Variants in TCF7L1 observed in about 807,000 individuals in gnomAD.
TCF7L1 encodes the protein transcription factor 7-like 1.
TCF7L1 carries 18 observed loss-of-function variants against 63.7 expected under a neutral mutation model. The observed-to-expected ratio is 0.28, with a 90% CI of 0.20 to 0.42. The LOEUF is 0.42. Among genes scored for constraint, TCF7L1 ranks in the 10% least tolerant of loss-of-function variants. The pLI is 1.00. For missense variants in TCF7L1, 654 were observed against 779.3 expected, an observed-to-expected ratio of 0.84 and a Z score of 1.91; for synonymous variants, 355 against 340.9, an observed-to-expected ratio of 1.04 and a Z score of -0.46.
At chr2:85,162,304 C>G (rs1678306112) in intron 3 of TCF7L1, among the ~76,000 whole-genome samples, 2 of 152,146 alleles carry the variant, frequency 1.3e-5, no homozygotes, top group African/African-American at 4.8e-5. Context: ...CCCAGAATCT[C>G]TGGACATGGG....
At chr2:85,187,017 G>A (rs2583547) in intron 3 of TCF7L1, among the ~76,000 whole-genome samples, 87,458 of 151,988 alleles carry the variant, frequency 0.58, 26,725 homozygotes, top group African/African-American at 0.79. Context: ...AACATACTCC[G>A]TCCCCTGCCC....
chr2:85,241,770 T>C (rs1680339669), intron 3 of TCF7L1, among the ~76,000 whole-genome samples: 1 of 152,152 alleles, frequency 6.6e-6, no homozygotes, highest in African/African-American at 2.4e-5. Context: ...GCAGTCCTTG[T>C]TCATGCATGA....
intron 3 of TCF7L1, among the ~76,000 whole-genome samples, chr2:85,160,670 C>T (rs1312852168): frequency 2.0e-5 from 3 of 151,538 alleles, no homozygotes; most frequent in African/African-American, 7.3e-5. Context: ...GTCTGAGCAA[C>T]AGGGCGAAAC....
In TCF7L1 at chr2:85,306,790, G is replaced by A. The variant is rs976310688; in HGVS notation, c.1257+231G>A. Among the ~76,000 whole-genome samples the A allele has an allele frequency of 6.6e-6, 1 of 151,960 alleles. No homozygotes were observed. Among genetic ancestry groups the A allele is most frequent in the African/African-American group, 2.4e-5 (1 of 41,342 alleles). The stretch of plus-strand genomic sequence containing the variant: ...CACCATTCTCCTGTCTCAGCCTCCC[G>A]AGTAGCTGGGACTACAGGCACCTGC... On this transcript the variant is annotated intron_variant, in intron 10 of 11. Transcript: ENST00000282111. The surrounding 1 kb of genome is among the most constrained non-coding windows in gnomAD (Gnocchi z 4.3).
In TCF7L1 at chr2:85,302,582, C is replaced by CCCCCCCCAA; in HGVS notation, c.624_625insCCCCCCCAA (p.Pro208_Thr209insProProGln). The CCCCCCCCAA allele has an allele frequency of 6.2e-7, 1 of 1,610,722 alleles. No homozygotes were observed. Among genetic ancestry groups the CCCCCCCCAA allele is most frequent in the Non-Finnish European group, 8.5e-7 (1 of 1,177,254 alleles). The stretch of plus-strand genomic sequence containing the variant: ...ACCACTTCTCCCCCGGCTCCCCTCC[C>CCCCCCCCAA]ACCCACCTCTCCCCAGAGATCGATC... On this transcript the variant is annotated inframe_insertion, in exon 5 of 12. Coordinates refer to ENST00000282111, the MANE Select transcript of TCF7L1 (RefSeq NM_031283.3).
At chr2:85,170,028 G>A (rs757903913) in intron 3 of TCF7L1, among the ~76,000 whole-genome samples, 1 of 152,212 alleles carries the variant, frequency 6.6e-6, no homozygotes, top group East Asian at 1.9e-4. Context: ...ATAAACCTGC[G>A]TTCTGCAAAC....
intron 3 of TCF7L1, among the ~76,000 whole-genome samples, chr2:85,274,491 C>T (rs1436922890): frequency 6.6e-6 from 1 of 152,138 alleles, no homozygotes; most frequent in Non-Finnish European, 1.5e-5. Flanking sequence ...CCCACGTCAG[C>T]TGAGAACCAT....
chr2:85,191,790 A>G (rs975167128), intron 3 of TCF7L1, among the ~76,000 whole-genome samples: 2 of 150,238 alleles, frequency 1.3e-5, no homozygotes, highest in African/African-American at 4.9e-5. Flanking sequence ...TTGTCACTGC[A>G]CTCCAGCCTG....
At chr2:85,161,201 G>A (rs772601217) in intron 3 of TCF7L1, among the ~76,000 whole-genome samples, 4 of 152,210 alleles carry the variant, frequency 2.6e-5, no homozygotes, top group Non-Finnish European at 5.9e-5. Flanking sequence ...GGAGTCTCCA[G>A]GATAACTTGC....
In TCF7L1 at chr2:85,134,262, C is replaced by G. The variant is rs1004385748; in HGVS notation, c.314-61C>G. 4.0e-6 allele frequency: 6 copies of G among 1,503,310 alleles called. No individual in the cohort carries two copies. The highest frequency in any genetic ancestry group is 4.4e-6 in the Non-Finnish European group (5 of 1,124,508). 93.1% of individuals were successfully genotyped at this position (1,503,310 alleles called of 1,614,324 possible). A position where few individuals can be genotyped will look rare whatever the true frequency, so the allele number is the denominator to read the frequency against. On this transcript the variant is annotated intron_variant, in intron 2 of 11. Coordinates refer to ENST00000282111, the MANE Select transcript of TCF7L1 (RefSeq NM_031283.3). The surrounding 1 kb of genome is among the most constrained non-coding windows in gnomAD (Gnocchi z 5.0). ...GTCCCCAGCTCCCGCCTCGAGCCCC[C>G]TGCCGCGGCGCTGTCAGTCCCGGGG... is the stretch of plus-strand genomic sequence containing the variant.
chr2:85,256,245 C>A (rs577945412), intron 3 of TCF7L1, among the ~76,000 whole-genome samples: 3 of 152,296 alleles, frequency 2.0e-5, no homozygotes, highest in African/African-American at 7.2e-5. Context: ...GGTGCGTCCG[C>A]GCGCCGAAGG....
chr2:85,197,057 A>G (rs926586644), intron 3 of TCF7L1, among the ~76,000 whole-genome samples: 2 of 152,188 alleles, frequency 1.3e-5, no homozygotes, highest in Non-Finnish European at 2.9e-5. Context: ...TCACTTGGAC[A>G]GTTTCCACTT....
At chr2:85,264,032 A>G (rs530464637) in intron 3 of TCF7L1, among the ~76,000 whole-genome samples, 2 of 152,216 alleles carry the variant, frequency 1.3e-5, no homozygotes, top group East Asian at 3.9e-4. Flanking sequence ...GATTGGAGGG[A>G]GTGGAGGCAT....
chr2:85,281,970 AG>A, intron 3 of TCF7L1, among the ~76,000 whole-genome samples: 2 of 150,522 alleles, frequency 1.3e-5, no homozygotes, highest in Non-Finnish European at 2.9e-5. Context: ...GACCAGAGTG[AG>A]GGATGATTCA....
At chr2:85,230,355 CAG>C (rs1680049153) in intron 3 of TCF7L1, among the ~76,000 whole-genome samples, 2 of 152,156 alleles carry the variant, frequency 1.3e-5, no homozygotes, top group Admixed American at 6.6e-5. Flanking sequence ...TTTTTTGAGA[CAG>C]AGTTTCACTC....
intron 3 of TCF7L1, among the ~76,000 whole-genome samples, chr2:85,279,741 A>G (rs1004917284): frequency 1.1e-4 from 17 of 152,160 alleles, no homozygotes; most frequent in African/African-American, 3.6e-4. Context: ...CCTGCCTCCC[A>G]GAGTGAGTCC....
At chr2:85,235,407 T>C (rs989400413) in intron 3 of TCF7L1, among the ~76,000 whole-genome samples, 2 of 151,460 alleles carry the variant, frequency 1.3e-5, no homozygotes, top group Non-Finnish European at 2.9e-5. Context: ...TGAGCAGGGT[T>C]GGTTTATCAC....
At chr2:85,231,828 A>G (rs1403986915) in intron 3 of TCF7L1, among the ~76,000 whole-genome samples, 1 of 151,956 alleles carries the variant, frequency 6.6e-6, no homozygotes, top group Non-Finnish European at 1.5e-5. Context: ...TTTCTAGCGT[A>G]GTGTAGGGAT....
chr2:85,252,249 T>C (rs372051467), intron 3 of TCF7L1, among the ~76,000 whole-genome samples: 6 of 152,326 alleles, frequency 3.9e-5, no homozygotes, highest in Admixed American at 1.3e-4. Context: ...CCCCACAGGC[T>C]AGCTGATGCC....
Sources: gnomAD v4.1 joint callset for allele counts (sites outside exome capture counted in the v4.1 genomes callset) on GRCh38, gnomAD v4.1.1 for gene constraint, Gnocchi (gnomAD v3.1) non-coding constraint, MANE v1.5 for transcripts, NCBI Gene and HGNC (gene_info 2026-07-23, HGNC 2026-07-21) for gene names.